Variants in ANAPC5 observed in about 807,000 individuals in gnomAD.
ANAPC5 encodes anaphase promoting complex subunit 5.
In ANAPC5, 60 loss-of-function variants were observed where a neutral mutation model predicts 91.3. The ratio of observed to expected loss-of-function variants is 0.66; its 90% confidence interval spans 0.53 to 0.81. ANAPC5 has a LOEUF of 0.81. Among genes scored for constraint, ANAPC5 ranks in the 40% least tolerant of loss-of-function variants. ANAPC5 has a pLI of 0.00. For synonymous variants in ANAPC5, 340 were observed against 364.1 expected, an observed-to-expected ratio of 0.93 and a Z score of 0.75; for missense variants, 690 against 931.5, an observed-to-expected ratio of 0.74 and a Z score of 3.37.
chr12:121,352,551 AG>A, upstream of ANAPC5: 1 of 529,968 alleles, frequency 1.9e-6, no homozygotes, highest in Non-Finnish European at 3.4e-6. Flanking sequence ...GAGTGCGGGG[AG>A]GGGTGCACCA....
chr12:121,339,337 C>T (rs1903358746), intron 5 of ANAPC5, among the ~76,000 whole-genome samples: 1 of 151,972 alleles, frequency 6.6e-6, no homozygotes, highest in African/African-American at 2.4e-5. Flanking sequence ...AGGCATGAGC[C>T]ACTGTGCCCG....
At chr12:121,345,763 A>C in intron 4 of ANAPC5, 76 bp downstream of exon 4, 1 of 1,434,166 alleles carries the variant, frequency 7.0e-7, no homozygotes, top group Non-Finnish European at 9.6e-7. Context: ...GTGAATTCTA[A>C]ATGAACAAGG....
At chr12:121,347,183 G>C in intron 2 of ANAPC5, 178 bp from the exon 3 acceptor site, 1 of 513,850 alleles carries the variant, frequency 1.9e-6, no homozygotes, top group Non-Finnish European at 3.4e-6. Context: ...TTTCTGAAAA[G>C]TATCATTGTT....
chr12:121,310,156 C>G (rs554061441), intron 15 of ANAPC5: 1 of 211,536 alleles, frequency 4.7e-6, no homozygotes, highest in South Asian at 1.7e-4. Flanking sequence ...AGGGGTTGAA[C>G]TAGGTGGGAG....
intron 9 of ANAPC5, among the ~76,000 whole-genome samples, chr12:121,330,068 T>C (rs951809350): frequency 6.6e-6 from 1 of 152,230 alleles, no homozygotes; most frequent in African/African-American, 2.4e-5. Context: ...AGCAAACTTG[T>C]TGTGTAAAGG....
intron 8 of ANAPC5, chr12:121,330,970 G>A: frequency 2.5e-6 from 1 of 406,710 alleles, no homozygotes; most frequent in South Asian, 2.8e-5. Context: ...AGATTCTCAG[G>A]TGCTTGTCAA....
intron 15 of ANAPC5, among the ~76,000 whole-genome samples, chr12:121,314,679 A>C (rs1902287513): frequency 6.6e-6 from 1 of 151,352 alleles, no homozygotes; most frequent in African/African-American, 2.4e-5. Flanking sequence ...GTGCAGTGGC[A>C]TGATCTCGGT....
intron 15 of ANAPC5, among the ~76,000 whole-genome samples, chr12:121,316,195 T>G (rs1233027806): frequency 6.6e-6 from 1 of 152,070 alleles, no homozygotes; most frequent in African/African-American, 2.4e-5. Flanking sequence ...GAAAAGATAC[T>G]CAACATCATT....
At chr12:121,352,718 T>TGGTGGTGGTGGTGGTGG (rs1555275623), upstream of ANAPC5, among the ~76,000 whole-genome samples, 48 of 102,432 alleles carry the variant, frequency 4.7e-4, 2 homozygotes, top group South Asian at 6.7e-3. Flanking sequence ...GTTGTTGTTG[T>TGGTGGTGGTGGTGGTGG]TGGTGGTGGT....
At chr12:121,320,684 G>A (rs932068249) in intron 11 of ANAPC5, 5 of 338,314 alleles carry the variant, frequency 1.5e-5, no homozygotes, top group Non-Finnish European at 2.2e-5. Context: ...CTCATTGCAA[G>A]CTCCGCTTCC....
intron 2 of ANAPC5, 102 bp downstream of exon 2, chr12:121,347,700 T>A: frequency 1.1e-6 from 1 of 870,510 alleles, no homozygotes; most frequent in Non-Finnish European, 1.8e-6. Flanking sequence ...CAACCTAGGG[T>A]AATAAAGGTA....
intron 4 of ANAPC5, among the ~76,000 whole-genome samples, chr12:121,344,261 G>A (rs1465233106): frequency 1.3e-5 from 2 of 152,196 alleles, no homozygotes; most frequent in African/African-American, 4.8e-5. Flanking sequence ...TTAGTAATGA[G>A]AGGTATGGAG....
At chr12:121,353,872 C>T (rs920111591), upstream of ANAPC5, among the ~76,000 whole-genome samples, 1 of 152,238 alleles carries the variant, frequency 6.6e-6, no homozygotes, top group African/African-American at 2.4e-5. Flanking sequence ...GGTAATTAGA[C>T]ATGAGCAGGG....
intron 4 of ANAPC5, among the ~76,000 whole-genome samples, chr12:121,343,127 A>G (rs1479758908): frequency 6.6e-6 from 1 of 152,216 alleles, no homozygotes; most frequent in Non-Finnish European, 1.5e-5. Context: ...ATGACTTCTT[A>G]GAATAAGATA....
At chr12:121,347,766 C>T (rs1555274836) in intron 2 of ANAPC5, 36 bp downstream of exon 2, 2 of 1,501,956 alleles carry the variant, frequency 1.3e-6, no homozygotes, top group Admixed American at 3.4e-5. Flanking sequence ...TCTACCTTCA[C>T]ACCTTTTCAT....
intron 9 of ANAPC5, among the ~76,000 whole-genome samples, chr12:121,329,979 T>G (rs1256105283): frequency 6.6e-6 from 1 of 152,140 alleles, no homozygotes; most frequent in African/African-American, 2.4e-5. Flanking sequence ...GCCTTCCCTA[T>G]CACTCAAAAC....
chr12:121,332,616 T>A (rs989165828), intron 7 of ANAPC5: 13 of 151,806 alleles, frequency 8.6e-5, no homozygotes, highest in African/African-American at 2.9e-4. Flanking sequence ...CCCTAGTACC[T>A]ACAATAGTGC....
At chr12:121,318,651 C>T (rs779723051) in intron 13 of ANAPC5, 43 bp from the exon 14 acceptor site, 1 of 1,479,008 alleles carries the variant, frequency 6.8e-7, no homozygotes, top group Non-Finnish European at 9.4e-7. Context: ...TAACTAGTCA[C>T]TTTGAGGGTA....
In ANAPC5 at chr12:121,337,285, A is replaced by C; in HGVS notation, c.759+6T>G. 6.2e-7 allele frequency: 1 copy of C among 1,610,080 alleles called. No homozygotes were observed. Among genetic ancestry groups the C allele is most frequent in the Non-Finnish European group, 8.5e-7 (1 of 1,177,004 alleles). On this transcript the variant is annotated splice_donor_region_variant and intron_variant, in intron 6 of 16. Coordinates refer to ENST00000261819, the MANE Select transcript of ANAPC5 (RefSeq NM_016237.5). Reference sequence around the variant, plus strand: ...AACACAGCAACAAATTCTGGGAAAGACTTACCGCTTCAGCAAAATCAGGAT... The same window carrying C: ...AACACAGCAACAAATTCTGGGAAAGCCTTACCGCTTCAGCAAAATCAGGAT...
Sources: allele counts gnomAD v4.1 joint callset (sites outside exome capture counted in the v4.1 genomes callset), GRCh38; gene constraint gnomAD v4.1.1; transcripts MANE v1.5; gene names NCBI Gene and HGNC (gene_info 2026-07-23, HGNC 2026-07-21).